HYCC2: variants seen among roughly 807,000 people sequenced by gnomAD.
HYCC2 encodes hyccin PI4KA lipid kinase complex subunit 2, also known as hyccin 2.
the HYCC2 span, among the ~76,000 whole-genome samples, chr2:200,995,511 G>C: frequency 6.6e-6 from 1 of 152,218 alleles, no homozygotes; most frequent in Non-Finnish European, 1.5e-5. Flanking sequence ...AAGGTAACAG[G>C]TCTTGCTGGA....
At chr2:201,011,354 A>G in the HYCC2 span, 1 of 1,186,976 alleles carries the variant, frequency 8.4e-7, no homozygotes, top group Non-Finnish European at 1.2e-6. Context: ...GTTACTCAAT[A>G]TAATTTAAAA....
At chr2:201,013,592 T>C in the HYCC2 span, among the ~76,000 whole-genome samples, 1 of 151,870 alleles carries the variant, frequency 6.6e-6, no homozygotes, top group Non-Finnish European at 1.5e-5. Flanking sequence ...CAGAGAAGAA[T>C]ACCAATTACA....
chr2:200,994,240 T>C, the HYCC2 span, among the ~76,000 whole-genome samples: 1 of 152,132 alleles, frequency 6.6e-6, no homozygotes, highest in Non-Finnish European at 1.5e-5. Context: ...ATTATATCAT[T>C]TCCTTTTTTT....
chr2:201,046,518 A>G, the HYCC2 span, among the ~76,000 whole-genome samples: 1 of 152,132 alleles, frequency 6.6e-6, no homozygotes, highest in East Asian at 1.9e-4. Flanking sequence ...GATATCATGG[A>G]AATAGGGTGG....
the HYCC2 span, among the ~76,000 whole-genome samples, chr2:201,028,532 C>T: frequency 6.6e-6 from 1 of 152,134 alleles, no homozygotes; most frequent in Non-Finnish European, 1.5e-5. Context: ...AAGAACAAAG[C>T]TGGAGGCATC....
the HYCC2 span, among the ~76,000 whole-genome samples, chr2:201,041,000 C>A: frequency 2.0e-5 from 3 of 152,184 alleles, no homozygotes; most frequent in East Asian, 3.9e-4. Flanking sequence ...TATGTTTAAA[C>A]CCTTGTACCC....
chr2:201,029,236 G>GATAAC, the HYCC2 span, among the ~76,000 whole-genome samples: 2 of 152,158 alleles, frequency 1.3e-5, no homozygotes, highest in Admixed American at 1.3e-4. Context: ...TCAGAGAAAT[G>GATAAC]CAAATCAAAA....
At chr2:200,982,084 T>C in the HYCC2 span, among the ~76,000 whole-genome samples, 772 of 152,218 alleles carry the variant, frequency 5.1e-3, 5 homozygotes, top group African/African-American at 0.018. Flanking sequence ...TTTAGTCCAG[T>C]TTTTGTACAA....
At chr2:201,054,918 G>C in the HYCC2 span, among the ~76,000 whole-genome samples, 1 of 152,088 alleles carries the variant, frequency 6.6e-6, no homozygotes, top group Non-Finnish European at 1.5e-5. Flanking sequence ...TCCTGACTTG[G>C]CCTCCCAAAG....
chr2:201,006,160 C>T, the HYCC2 span, among the ~76,000 whole-genome samples: 261 of 142,410 alleles, frequency 1.8e-3, 3 homozygotes, highest in African/African-American at 6.5e-3. Flanking sequence ...CGGAGTCTTG[C>T]TCTGTCACCC....
At chr2:201,004,972 G>A in the HYCC2 span, among the ~76,000 whole-genome samples, 6 of 145,546 alleles carry the variant, frequency 4.1e-5, no homozygotes, top group African/African-American at 1.3e-4. Flanking sequence ...AGCCGAGATC[G>A]TGCCACTGCA....
chr2:201,030,885 A>T, the HYCC2 span, among the ~76,000 whole-genome samples: 1 of 151,974 alleles, frequency 6.6e-6, no homozygotes, highest in Admixed American at 6.6e-5. Context: ...AGCTTATCTC[A>T]TCCTTTTTAA....
chr2:201,063,974 T>C, the HYCC2 span: 2 of 1,597,660 alleles, frequency 1.3e-6, no homozygotes, highest in South Asian at 1.1e-5. Context: ...AGGCCAATAC[T>C]TTGCAAAACC....
At chr2:201,043,498 T>C in the HYCC2 span, among the ~76,000 whole-genome samples, 9 of 148,580 alleles carry the variant, frequency 6.1e-5, no homozygotes, top group Admixed American at 1.3e-4. Context: ...TGTAAACATA[T>C]ATTTTCTTTT....
At chr2:201,058,442 G>A in the HYCC2 span, among the ~76,000 whole-genome samples, 12 of 152,200 alleles carry the variant, frequency 7.9e-5, no homozygotes, top group East Asian at 1.9e-4. Flanking sequence ...CCAGCACAGC[G>A]GCTCACGCCT....
At chr2:201,063,136 C>T in the HYCC2 span, 5 of 1,610,512 alleles carry the variant, frequency 3.1e-6, no homozygotes, top group East Asian at 1.1e-4. Context: ...TGAGGAAGCT[C>T]TTCATTGGAG....
the HYCC2 span, chr2:201,009,216 C>T: frequency 1.6e-4 from 82 of 507,920 alleles, no homozygotes; most frequent in East Asian, 4.6e-4. Context: ...TCATTCTTCA[C>T]GGAAAAGGTT....
At chr2:201,036,359 C>G in the HYCC2 span, among the ~76,000 whole-genome samples, 3 of 152,070 alleles carry the variant, frequency 2.0e-5, no homozygotes, top group Non-Finnish European at 4.4e-5. Flanking sequence ...TTCCAATCAA[C>G]AGAAAAAGAG....
the HYCC2 span, among the ~76,000 whole-genome samples, chr2:200,985,000 ACT>A: frequency 3.3e-5 from 5 of 152,136 alleles, no homozygotes; most frequent in African/African-American, 1.2e-4. Context: ...TGTCCTAGCT[ACT>A]GAGAAGGCTG....
Sources: allele counts gnomAD v4.1 joint callset (sites outside exome capture counted in the v4.1 genomes callset), GRCh38; gene constraint gnomAD v4.1.1; transcripts MANE v1.5; gene names NCBI Gene and HGNC (gene_info 2026-07-23, HGNC 2026-07-21).